The following RASSF3 variants were observed in gnomAD, a reference collection of about 807,000 sequenced individuals.
RASSF3 encodes the protein ras association domain-containing protein 3.
A neutral mutation model predicts 19.9 loss-of-function variants in RASSF3; 19 were observed. The observed-to-expected ratio is 0.96, with a 90% CI of 0.67 to 1.40. RASSF3 has a LOEUF of 1.40. Ranked by LOEUF, RASSF3 falls within the 40% of genes most tolerant of loss-of-function variation. The probability of loss-of-function intolerance (pLI) is 0.00; values close to 1 mark genes in which losing one functional copy is unlikely to be tolerated. For synonymous variants in RASSF3, 110 were observed against 104.2 expected, an observed-to-expected ratio of 1.06 and a Z score of -0.34; for missense variants, 306 against 289.8, an observed-to-expected ratio of 1.06 and a Z score of -0.41.
At chr12:64,600,160 A>AAAC (rs1870068411) in intron 2 of RASSF3, among the ~76,000 whole-genome samples, 1 of 151,982 alleles carries the variant, frequency 6.6e-6, no homozygotes, top group African/African-American at 2.4e-5. Flanking sequence ...AGAAGTTAAA[A>AAAC]AAACAAACAA....
At chr12:64,642,099 T>C (rs1871556537) in intron 1 of RASSF3, among the ~76,000 whole-genome samples, 1 of 152,216 alleles carries the variant, frequency 6.6e-6, no homozygotes, top group African/African-American at 2.4e-5. Flanking sequence ...TTGCAAATTA[T>C]CTTTTCTACT....
intron 1 of RASSF3, among the ~76,000 whole-genome samples, chr12:64,524,194 G>A (rs1868536000): frequency 6.6e-6 from 1 of 151,574 alleles, no homozygotes; most frequent in Non-Finnish European, 1.5e-5. Flanking sequence ...TGGGACTACA[G>A]GGGTGTGCCA....
intron 1 of RASSF3, among the ~76,000 whole-genome samples, chr12:64,681,226 A>G (rs886137562): frequency 6.6e-6 from 1 of 152,184 alleles, no homozygotes; most frequent in African/African-American, 2.4e-5. Context: ...GCTGCTGTGT[A>G]TGTGCTTAGC....
At chr12:64,530,946 T>C (rs1463188062), upstream of RASSF3, among the ~76,000 whole-genome samples, 2 of 152,242 alleles carry the variant, frequency 1.3e-5, no homozygotes, top group East Asian at 1.9e-4. Context: ...AGATTCTTTA[T>C]ATATTCCTAT....
At chr12:64,659,951 C>CGTGTGTGT (rs200835780) in intron 1 of RASSF3, among the ~76,000 whole-genome samples, 270 of 144,850 alleles carry the variant, frequency 1.9e-3, no homozygotes, top group African/African-American at 5.2e-3. Flanking sequence ...TCATCTAATA[C>CGTGTGTGT]GTGTGTGTGT....
At chr12:64,616,087 A>G (rs1306122780) in intron 1 of RASSF3, among the ~76,000 whole-genome samples, 1 of 152,116 alleles carries the variant, frequency 6.6e-6, no homozygotes, top group Non-Finnish European at 1.5e-5. Flanking sequence ...TGCATGTCTG[A>G]TATGTTCTGT....
chr12:64,562,817 A>G (rs1203255829), intron 2 of RASSF3, among the ~76,000 whole-genome samples: 1 of 152,124 alleles, frequency 6.6e-6, no homozygotes, highest in Non-Finnish European at 1.5e-5. Flanking sequence ...TTGTAGAGAC[A>G]GGGTCTCACT....
intron 1 of RASSF3, among the ~76,000 whole-genome samples, chr12:64,615,649 A>G (rs1388045785): frequency 6.6e-6 from 1 of 151,890 alleles, no homozygotes; most frequent in African/African-American, 2.4e-5. Context: ...TTTATGACAT[A>G]ATAGGTATTT....
chr12:64,520,364 T>G (rs1868446410), intron 1 of RASSF3, among the ~76,000 whole-genome samples: 1 of 151,724 alleles, frequency 6.6e-6, no homozygotes, highest in African/African-American at 2.4e-5. Context: ...GGTTTTATTA[T>G]GTTGGCCAGG....
chr12:64,663,882 T>C (rs1269493136), intron 1 of RASSF3, among the ~76,000 whole-genome samples: 3 of 151,012 alleles, frequency 2.0e-5, no homozygotes, highest in South Asian at 2.1e-4. Flanking sequence ...GAGAATTCTT[T>C]ATTATGTCCA....
chr12:64,603,446 T>C (rs960988030), intron 2 of RASSF3, among the ~76,000 whole-genome samples: 1 of 152,212 alleles, frequency 6.6e-6, no homozygotes, highest in African/African-American at 2.4e-5. Flanking sequence ...TAGTGCCCTT[T>C]GCACAAAATA....
chr12:64,527,896 C>T (rs572627192), intron 1 of RASSF3, among the ~76,000 whole-genome samples: 12 of 152,152 alleles, frequency 7.9e-5, no homozygotes, highest in African/African-American at 2.4e-4. Context: ...GATCAAGCCA[C>T]TGCACTCCAG....
At chr12:64,676,696 C>T (rs193220451) in intron 1 of RASSF3, among the ~76,000 whole-genome samples, 2 of 152,078 alleles carry the variant, frequency 1.3e-5, no homozygotes. Flanking sequence ...GTCTCAAACT[C>T]CTGACTGCAG....
chr12:64,629,425 C>T (rs867084996), intron 1 of RASSF3, among the ~76,000 whole-genome samples: 18 of 152,054 alleles, frequency 1.2e-4, no homozygotes, highest in African/African-American at 4.1e-4. Context: ...ATTCTTCCAG[C>T]TAGAAGGACT....
chr12:64,649,833 G>A (rs1871875731), intron 1 of RASSF3, among the ~76,000 whole-genome samples: 1 of 152,210 alleles, frequency 6.6e-6, no homozygotes, highest in Non-Finnish European at 1.5e-5. Context: ...CTTTCACAGT[G>A]TGGGCCTTGC....
At chr12:64,627,455 T>C (rs1871034555) in intron 1 of RASSF3, among the ~76,000 whole-genome samples, 1 of 152,220 alleles carries the variant, frequency 6.6e-6, no homozygotes, top group Admixed American at 6.5e-5. Flanking sequence ...TTAATTTAGC[T>C]TTAAGCCTTC....
chr12:64,645,498 C>T (rs747822273), intron 1 of RASSF3, among the ~76,000 whole-genome samples: 2 of 151,852 alleles, frequency 1.3e-5, no homozygotes, highest in Non-Finnish European at 2.9e-5. Flanking sequence ...CATAGTGAGA[C>T]CCTGTCTCTA....
chr12:64,595,314 C>T (rs9669023), intron 2 of RASSF3, among the ~76,000 whole-genome samples: 8,884 of 151,872 alleles, frequency 0.058, 881 homozygotes, highest in African/African-American at 0.2. Context: ...GTGATCAGCC[C>T]GCCTCGGCCT....
chr12:64,531,843 G>T (rs919666851), upstream of RASSF3, among the ~76,000 whole-genome samples: 2 of 152,308 alleles, frequency 1.3e-5, no homozygotes, highest in Admixed American at 6.5e-5. Flanking sequence ...CACAGGGCTG[G>T]TAAGTGACAG....
Sources: allele counts gnomAD v4.1 joint callset (sites outside exome capture counted in the v4.1 genomes callset), GRCh38; gene constraint gnomAD v4.1.1; transcripts MANE v1.5; gene names NCBI Gene and HGNC (gene_info 2026-07-23, HGNC 2026-07-21).